The following LOXHD1 variants were observed in gnomAD, a reference collection of about 807,000 sequenced individuals.
LOXHD1 encodes the protein lipoxygenase homology domain-containing protein 1.
LOXHD1 carries 205 observed loss-of-function variants against 248.2 expected under a neutral mutation model. The observed-to-expected ratio is 0.83, with a 90% CI of 0.74 to 0.93. The LOEUF (loss-of-function observed/expected upper bound fraction) is 0.93. Ranked by LOEUF, LOXHD1 falls within the 40% of genes least tolerant of loss-of-function variation. LOXHD1 has a pLI of 0.00. For synonymous variants in LOXHD1, 1,113 were observed against 1,162.8 expected (o/e 0.96, Z 0.87); for missense variants, 2,930 against 2,971.6 (o/e 0.99, Z 0.33).
At chr18:46,560,051 C>G in intron 19 of LOXHD1, 32 bp downstream of exon 19, 94 of 1,310,594 alleles carry the variant, frequency 7.2e-5, no homozygotes, top group Non-Finnish European at 9.2e-5. Flanking sequence ...TGGCCACTCC[C>G]TCCCCACCCC....
intron 29 of LOXHD1, among the ~76,000 whole-genome samples, chr18:46,526,264 G>A (rs1377312380): frequency 1.3e-5 from 2 of 152,332 alleles, no homozygotes; most frequent in Admixed American, 6.5e-5. Flanking sequence ...CTGGGGTCCT[G>A]TGCTTGGGGA....
chr18:46,481,149 T>C (rs545449127), intron 40 of LOXHD1, among the ~76,000 whole-genome samples: 6 of 152,338 alleles, frequency 3.9e-5, no homozygotes, highest in African/African-American at 1.4e-4. Flanking sequence ...AGGAAAGGAA[T>C]TGTGGATGTT....
At chr18:46,542,617 T>G in intron 24 of LOXHD1, 110 bp downstream of exon 24, 1 of 1,322,850 alleles carries the variant, frequency 7.6e-7, no homozygotes, top group African/African-American at 1.5e-5. Flanking sequence ...GCTGTGTCAT[T>G]ACAGAAGACA....
chr18:46,652,180 T>G (rs1402331668), intron 1 of LOXHD1, among the ~76,000 whole-genome samples: 2 of 152,148 alleles, frequency 1.3e-5, no homozygotes, highest in Non-Finnish European at 2.9e-5. Flanking sequence ...GAGACCAATC[T>G]AATCTATTGT....
Position 46,566,244 on chromosome 18 carries a change from G to T in LOXHD1, c.2437+13C>A. On this transcript the variant is annotated intron_variant, in intron 17 of 40. Coordinates refer to ENST00000642948, the MANE Select transcript of LOXHD1 (RefSeq NM_001384474.1). ...GGAAACAATGGGTGGTCCCACCACA[G>T]CCTCCTCCATACATTTCTGGATCTC... 1.3e-6 allele frequency: 2 copies of T among 1,539,298 alleles called. No individual in the cohort carries two copies. Among genetic ancestry groups the T allele is most frequent in the Non-Finnish European group, 1.8e-6 (2 of 1,137,658 alleles).
rs2035566691 is a variant in LOXHD1 at position 46,521,264 on chromosome 18, A to T, written c.5104T>A (p.Ser1702Thr). The T allele has an allele frequency of 6.4e-7, 1 of 1,551,646 alleles. No homozygotes were observed. The highest frequency in any genetic ancestry group is 8.7e-7 in the Non-Finnish European group (1 of 1,146,952). The change falls in exon 33 of 41, where the codon TCC becomes ACC. Residue 1702 changes from serine to threonine, a missense_variant. Transcript: ENST00000642948. ...KKIELGHDGA[S>T]PESCWLVEEL... The stretch of plus-strand genomic sequence containing the variant: ...TCCACCAGCCAGCAGCTCTCAGGGG[A>T]GGCCCCGTCATGGCCCAGCTAGGAG...
chr18:46,576,563 T>C (rs974586744), intron 14 of LOXHD1, among the ~76,000 whole-genome samples: 4 of 152,170 alleles, frequency 2.6e-5, no homozygotes, highest in Non-Finnish European at 4.4e-5. Flanking sequence ...TGCACTTCCA[T>C]CTCTTCCTGG....
chr18:46,489,292 G>T (rs941261977), intron 37 of LOXHD1, 150 bp from the exon 38 acceptor site: 1 of 810,280 alleles, frequency 1.2e-6, no homozygotes, highest in Non-Finnish European at 2.0e-6. Flanking sequence ...AAAGTGAGGG[G>T]TTGGGTTAGG....
In LOXHD1 at chr18:46,533,328, G is replaced by A. The variant is rs1358480305; in HGVS notation, c.4213-4C>T. 6.4e-7 allele frequency: 1 copy of A among 1,551,356 alleles called. No homozygotes were observed. Among genetic ancestry groups the A allele is most frequent in the East Asian group, 2.4e-5 (1 of 40,918 alleles). On this transcript the variant is annotated splice_polypyrimidine_tract_variant and splice_region_variant and intron_variant, in intron 27 of 40. Coordinates refer to ENST00000642948, the MANE Select transcript of LOXHD1 (RefSeq NM_001384474.1). ...GGAAAGTCAAGGTCTCTGCACCCTG[G>A]GGTGAGGCAGAAAAAGGAAAATTAG... is the stretch of plus-strand genomic sequence containing the variant.
Position 46,569,632 on chromosome 18 carries a change from C to T in LOXHD1, c.2054G>A (p.Arg685His), listed in dbSNP as rs532160492. The T allele has an allele frequency of 7.4e-5, 115 of 1,550,240 alleles. 1 individual carries two copies. The South Asian group carries it at 8.8e-4, about 12-fold the overall frequency. ...CCCAGTCTTCAAGCTGATGTGATAG[C>T]GAAAGTCTGAACAGCCCAAGGCAGA... ...SDSSATLKNF[R>H]YHISLKTGDV... The change falls in exon 16 of 41, where the codon CGC becomes CAC. Residue 685 changes from arginine to histidine, a missense_variant. Arg to His is a conservative substitution (Grantham distance 29, BLOSUM62 0). Transcript: ENST00000642948.
At chr18:46,564,997 C>G (rs1015299829) in intron 17 of LOXHD1, among the ~76,000 whole-genome samples, 6 of 151,988 alleles carry the variant, frequency 3.9e-5, no homozygotes, top group African/African-American at 4.8e-5. Context: ...GTCGTAGTGG[C>G]TCACGTCTAT....
chr18:46,530,731 C>G (rs983000984), intron 28 of LOXHD1, among the ~76,000 whole-genome samples: 2 of 152,150 alleles, frequency 1.3e-5, no homozygotes, highest in African/African-American at 4.8e-5. Flanking sequence ...ACACCCACAG[C>G]AGGGTTCCCA....
chr18:46,597,180 T>G (rs1274257453), intron 8 of LOXHD1, among the ~76,000 whole-genome samples: 1 of 152,102 alleles, frequency 6.6e-6, no homozygotes, highest in African/African-American at 2.4e-5. Context: ...TCCTTGCACT[T>G]GCCAAAAAAG....
chr18:46,560,051 C>CAGG, intron 19 of LOXHD1, 32 bp downstream of exon 19: 2 of 1,310,686 alleles, frequency 1.5e-6, no homozygotes, highest in Non-Finnish European at 1.1e-6. Context: ...TGGCCACTCC[C>CAGG]TCCCCACCCC....
At chr18:46,639,934 C>A in intron 3 of LOXHD1, 134 bp from the exon 4 acceptor site, 3 of 1,068,754 alleles carry the variant, frequency 2.8e-6, no homozygotes, top group Non-Finnish European at 2.7e-6. Context: ...ATCTCCTGAA[C>A]CTCGGTTTCC....
chr18:46,598,058 C>T (rs957696686), intron 8 of LOXHD1, among the ~76,000 whole-genome samples: 12 of 152,060 alleles, frequency 7.9e-5, no homozygotes, highest in Admixed American at 5.9e-4. Flanking sequence ...TGAACCACTG[C>T]GCCCGGCCAG....
intron 1 of LOXHD1, among the ~76,000 whole-genome samples, chr18:46,651,738 G>A (rs183205161): frequency 1.1e-4 from 16 of 151,410 alleles, no homozygotes; most frequent in African/African-American, 3.6e-4. Flanking sequence ...TTTGGAATGC[G>A]TATATCCAAC....
intron 37 of LOXHD1, among the ~76,000 whole-genome samples, chr18:46,501,004 T>C (rs2034191514): frequency 6.6e-6 from 1 of 152,164 alleles, no homozygotes; most frequent in Admixed American, 6.5e-5. Context: ...TAATTACTTG[T>C]TTAATACATG....
intron 38 of LOXHD1, 49 bp from the exon 39 acceptor site, chr18:46,485,200 G>C (rs919862184): frequency 5.2e-6 from 8 of 1,525,924 alleles, no homozygotes; most frequent in Non-Finnish European, 7.1e-6. Flanking sequence ...AGCAGTGCCC[G>C]TCTTCAGGGC....
Sources: gnomAD v4.1 joint callset for allele counts (sites outside exome capture counted in the v4.1 genomes callset) on GRCh38, gnomAD v4.1.1 for gene constraint, MANE v1.5 for transcripts, NCBI Gene and HGNC (gene_info 2026-07-23, HGNC 2026-07-21) for gene names.